The following POFUT3 variants were observed in gnomAD, a reference collection of about 807,000 sequenced individuals.
The protein encoded by POFUT3 is GDP-fucose protein O-fucosyltransferase 3.
the POFUT3 span, among the ~76,000 whole-genome samples, chr8:33,412,437 C>T: frequency 5.3e-5 from 8 of 152,316 alleles, 1 homozygote; most frequent in African/African-American, 1.9e-4. Flanking sequence ...GACTGGGCTC[C>T]TTCACCAGTC....
At chr8:33,328,954 T>A in the POFUT3 span, among the ~76,000 whole-genome samples, 1 of 152,230 alleles carries the variant, frequency 6.6e-6, no homozygotes, top group Non-Finnish European at 1.5e-5. Flanking sequence ...ATTAAAATTC[T>A]CTCATTTTAC....
chr8:33,352,197 T>C, the POFUT3 span, among the ~76,000 whole-genome samples: 1 of 152,128 alleles, frequency 6.6e-6, no homozygotes, highest in Admixed American at 6.5e-5. Flanking sequence ...GCCATGAAAT[T>C]TCACACGCTT....
the POFUT3 span, chr8:33,389,473 C>G: frequency 6.2e-7 from 1 of 1,614,118 alleles, no homozygotes; most frequent in Non-Finnish European, 8.5e-7. Context: ...TGTAAGTCAT[C>G]AGCTCGCGAA....
At chr8:33,388,411 A>G in the POFUT3 span, among the ~76,000 whole-genome samples, 45 of 137,280 alleles carry the variant, frequency 3.3e-4, no homozygotes, top group East Asian at 2.2e-4. Context: ...ATCTCGGCTC[A>G]CTGCAACCTC....
chr8:33,405,515 G>C, the POFUT3 span, among the ~76,000 whole-genome samples: 1 of 151,998 alleles, frequency 6.6e-6, no homozygotes, highest in Non-Finnish European at 1.5e-5. Flanking sequence ...GATGATTCAA[G>C]AAATTAGTGA....
At chr8:33,459,065 C>T in the POFUT3 span, among the ~76,000 whole-genome samples, 7 of 152,274 alleles carry the variant, frequency 4.6e-5, no homozygotes, top group African/African-American at 1.2e-4. Context: ...GAGAACCAGG[C>T]GTGGTGACTC....
At chr8:33,464,033 C>T in the POFUT3 span, among the ~76,000 whole-genome samples, 18 of 152,296 alleles carry the variant, frequency 1.2e-4, no homozygotes, top group Admixed American at 1.1e-3. Flanking sequence ...GGCTTAACCT[C>T]ACCTCTCCAT....
At chr8:33,370,385 A>G in the POFUT3 span, among the ~76,000 whole-genome samples, 1 of 152,232 alleles carries the variant, frequency 6.6e-6, no homozygotes, top group South Asian at 2.1e-4. Flanking sequence ...AAACAATCCA[A>G]GTAAAATGTA....
At chr8:33,375,423 G>T in the POFUT3 span, among the ~76,000 whole-genome samples, 2 of 152,192 alleles carry the variant, frequency 1.3e-5, no homozygotes, top group Admixed American at 6.5e-5. Context: ...AGCACAGATA[G>T]GAGTGGGTCA....
At chr8:33,440,190 A>G in the POFUT3 span, among the ~76,000 whole-genome samples, 1 of 152,016 alleles carries the variant, frequency 6.6e-6, no homozygotes, top group African/African-American at 2.4e-5. Flanking sequence ...TATTGAGACC[A>G]TGTCTCTGTG....
chr8:33,445,647 A>C, the POFUT3 span, among the ~76,000 whole-genome samples: 1 of 152,142 alleles, frequency 6.6e-6, no homozygotes, highest in Non-Finnish European at 1.5e-5. Context: ...GTGACCCTCC[A>C]AAGAGCCATT....
the POFUT3 span, among the ~76,000 whole-genome samples, chr8:33,358,272 A>G: frequency 6.6e-6 from 1 of 152,108 alleles, no homozygotes; most frequent in Non-Finnish European, 1.5e-5. Context: ...TAATAAATAA[A>G]TTTTAAAAAG....
At chr8:33,348,869 T>C in the POFUT3 span, among the ~76,000 whole-genome samples, 2 of 152,140 alleles carry the variant, frequency 1.3e-5, no homozygotes, top group South Asian at 2.1e-4. Context: ...AAGGGCTATA[T>C]CAGAAAGTAT....
the POFUT3 span, among the ~76,000 whole-genome samples, chr8:33,418,543 T>C: frequency 6.6e-6 from 1 of 151,864 alleles, no homozygotes; most frequent in African/African-American, 2.4e-5. Flanking sequence ...CCTCAGGTGA[T>C]CTGCCCACCT....
the POFUT3 span, among the ~76,000 whole-genome samples, chr8:33,443,966 CTTT>C: frequency 1.2e-4 from 16 of 133,806 alleles, no homozygotes; most frequent in Middle Eastern, 3.8e-3. Context: ...TTTCTACAAG[CTTT>C]TTTTTTTTTT....
the POFUT3 span, among the ~76,000 whole-genome samples, chr8:33,328,729 C>T: frequency 6.6e-6 from 1 of 152,170 alleles, no homozygotes; most frequent in Non-Finnish European, 1.5e-5. Context: ...TGTGCCCAAA[C>T]ATGAACCAAT....
the POFUT3 span, among the ~76,000 whole-genome samples, chr8:33,411,810 T>C: frequency 6.6e-6 from 1 of 151,956 alleles, no homozygotes; most frequent in Non-Finnish European, 1.5e-5. Context: ...AAAATAAAAA[T>C]AATAATGATA....
chr8:33,397,138 C>A, the POFUT3 span, among the ~76,000 whole-genome samples: 1 of 152,174 alleles, frequency 6.6e-6, no homozygotes, highest in African/African-American at 2.4e-5. Flanking sequence ...CAAACAACTT[C>A]TAGTGTTTGA....
At chr8:33,390,548 C>CAAA in the POFUT3 span, among the ~76,000 whole-genome samples, 6 of 87,816 alleles carry the variant, frequency 6.8e-5, no homozygotes, top group African/African-American at 1.6e-4. Flanking sequence ...TGATTAACTG[C>CAAA]AAAAAAAAAA....
Sources: gnomAD v4.1 joint callset for allele counts (sites outside exome capture counted in the v4.1 genomes callset) on GRCh38, gnomAD v4.1.1 for gene constraint, MANE v1.5 for transcripts, NCBI Gene and HGNC (gene_info 2026-07-23, HGNC 2026-07-21) for gene names.